Variants in ERC1 observed in about 807,000 individuals in gnomAD.
ERC1 encodes ELKS/RAB6-interacting/CAST family member 1, also known as RAB6 interacting protein 2.
Under a neutral mutation model 132.0 loss-of-function variants are expected in ERC1, and 56 were observed. That is an observed-to-expected ratio of 0.42 (90% CI 0.34 to 0.53). The LOEUF is 0.53. Among genes scored for constraint, ERC1 ranks in the 20% least tolerant of loss-of-function variants. ERC1 has a pLI of 0.03. For synonymous variants in ERC1, 478 were observed against 476.1 expected (o/e 1.00, Z -0.05); for missense variants, 1,202 against 1,349.9 (o/e 0.89, Z 1.72).
intron 1 of ERC1, among the ~76,000 whole-genome samples, chr12:993,233 T>G (rs188913646): frequency 1.5e-4 from 23 of 152,306 alleles, no homozygotes; most frequent in African/African-American, 5.3e-4. Flanking sequence ...AAAACAAAAT[T>G]GACATATCTA....
chr12:1,121,408 A>C (rs1001708342), intron 7 of ERC1, among the ~76,000 whole-genome samples: 1 of 152,258 alleles, frequency 6.6e-6, no homozygotes, highest in Admixed American at 6.5e-5. Context: ...AGGACTAGCC[A>C]CAAAGAAAGA....
intron 16 of ERC1, among the ~76,000 whole-genome samples, chr12:1,396,941 TGAC>T (rs2090592724): frequency 6.6e-6 from 1 of 152,156 alleles, no homozygotes; most frequent in African/African-American, 2.4e-5. Context: ...TTCTCTGCCC[TGAC>T]TCTGGGAAGG....
chr12:1,448,983 A>G (rs2093366785), intron 18 of ERC1, among the ~76,000 whole-genome samples: 1 of 152,230 alleles, frequency 6.6e-6, no homozygotes. Context: ...CTGAGAGCCC[A>G]CCTCTTGCAT....
At chr12:1,266,564 C>G (rs537329640) in intron 14 of ERC1, among the ~76,000 whole-genome samples, 3 of 151,784 alleles carry the variant, frequency 2.0e-5, no homozygotes, top group Non-Finnish European at 4.4e-5. Context: ...GCCACCACGC[C>G]CAGCTAATTT....
intron 8 of ERC1, among the ~76,000 whole-genome samples, chr12:1,158,482 G>A (rs979476798): frequency 2.0e-5 from 3 of 151,798 alleles, no homozygotes; most frequent in African/African-American, 7.3e-5. Context: ...CCAGGCTGGA[G>A]TGCAGTGGCA....
intron 11 of ERC1, among the ~76,000 whole-genome samples, chr12:1,185,136 C>T (rs1250537789): frequency 6.6e-6 from 1 of 152,102 alleles, no homozygotes. Flanking sequence ...GTCTCAAACT[C>T]CTGACCTCAT....
chr12:1,342,771 G>A (rs1033931313), intron 15 of ERC1, among the ~76,000 whole-genome samples: 6 of 152,192 alleles, frequency 3.9e-5, no homozygotes, highest in Non-Finnish European at 8.8e-5. Flanking sequence ...AGTATTGCTA[G>A]AGCAAAGAAT....
At chr12:1,260,531 G>T (rs1031248617) in intron 13 of ERC1, among the ~76,000 whole-genome samples, 1 of 152,196 alleles carries the variant, frequency 6.6e-6, no homozygotes, top group Non-Finnish European at 1.5e-5. Flanking sequence ...GGGCTTTCCT[G>T]TTTATTTCTT....
chr12:1,100,773 A>C (rs1944570302), intron 3 of ERC1, among the ~76,000 whole-genome samples: 1 of 152,162 alleles, frequency 6.6e-6, no homozygotes, highest in South Asian at 2.1e-4. Flanking sequence ...ATACTCCAGG[A>C]AAGTAAAGGT....
intron 17 of ERC1, among the ~76,000 whole-genome samples, chr12:1,420,089 T>G (rs577130340): frequency 1.1e-4 from 16 of 152,294 alleles, no homozygotes; most frequent in African/African-American, 3.8e-4. Flanking sequence ...TAATAAAGCA[T>G]GACACTGTTC....
intron 7 of ERC1, among the ~76,000 whole-genome samples, chr12:1,131,610 C>A (rs1301008272): frequency 2.1e-5 from 3 of 142,084 alleles, no homozygotes; most frequent in Non-Finnish European, 4.6e-5. Flanking sequence ...TACAGGTGCC[C>A]ACCACCACAC....
intron 3 of ERC1, among the ~76,000 whole-genome samples, chr12:1,101,162 T>C (rs1302032663): frequency 6.6e-6 from 1 of 152,128 alleles, no homozygotes; most frequent in African/African-American, 2.4e-5. Flanking sequence ...CTATTAAAGC[T>C]TCCATGATAA....
intron 2 of ERC1, among the ~76,000 whole-genome samples, chr12:1,065,839 G>A (rs1939079901): frequency 6.6e-6 from 1 of 152,118 alleles, no homozygotes. Flanking sequence ...GCCATGAAAA[G>A]GAATGAAGTT....
At chr12:1,236,215 A>T (rs2075403881) in intron 12 of ERC1, among the ~76,000 whole-genome samples, 1 of 152,174 alleles carries the variant, frequency 6.6e-6, no homozygotes, top group South Asian at 2.1e-4. Flanking sequence ...TTAATGGAGG[A>T]TAGACCAATA....
At chr12:1,346,743 C>T (rs1418193253) in intron 15 of ERC1, among the ~76,000 whole-genome samples, 1 of 150,606 alleles carries the variant, frequency 6.6e-6, no homozygotes, top group Non-Finnish European at 1.5e-5. Context: ...GAGATCGAGA[C>T]CATCCTGGCT....
chr12:1,125,298 A>G (rs981223885), intron 7 of ERC1, among the ~76,000 whole-genome samples: 2 of 151,864 alleles, frequency 1.3e-5, no homozygotes, highest in African/African-American at 2.4e-5. Flanking sequence ...CCAGCCCAAT[A>G]TTTGATATTT....
chr12:1,155,247 A>T (rs1372189959), intron 8 of ERC1, among the ~76,000 whole-genome samples: 1 of 143,866 alleles, frequency 7.0e-6, no homozygotes, highest in Non-Finnish European at 1.5e-5. Flanking sequence ...AATTGCTTGG[A>T]CCTGGGAGGC....
chr12:1,059,456 A>G (rs1229949154), intron 2 of ERC1, among the ~76,000 whole-genome samples: 1 of 152,128 alleles, frequency 6.6e-6, no homozygotes. Flanking sequence ...ATTAAGTGTG[A>G]TGTTAGCTGT....
intron 17 of ERC1, among the ~76,000 whole-genome samples, chr12:1,416,943 C>G (rs967987163): frequency 1.3e-5 from 2 of 152,174 alleles, no homozygotes; most frequent in Non-Finnish European, 2.9e-5. Flanking sequence ...CTGCTTTTAT[C>G]GTTCCCCTCC....
Sources: allele counts gnomAD v4.1 joint callset (sites outside exome capture counted in the v4.1 genomes callset), GRCh38; gene constraint gnomAD v4.1.1; transcripts MANE v1.5; gene names NCBI Gene and HGNC (gene_info 2026-07-23, HGNC 2026-07-21).